The following SLC16A11 variants were observed in gnomAD, a reference collection of about 807,000 sequenced individuals.
SLC16A11 encodes monocarboxylate transporter 11.
SLC16A11 carries 24 observed loss-of-function variants against 26.0 expected under a neutral mutation model. That is an observed-to-expected ratio of 0.92 (90% CI 0.67 to 1.30). The LOEUF (loss-of-function observed/expected upper bound fraction) is 1.30, where lower values mean the gene tolerates loss of function less well. Ranked by LOEUF, SLC16A11 falls within the 50% of genes most tolerant of loss-of-function variation. The probability of loss-of-function intolerance (pLI) is 0.00; values close to 1 mark genes in which losing one functional copy is unlikely to be tolerated. For synonymous variants in SLC16A11, 332 were observed against 296.0 expected (o/e 1.12, Z -1.25); for missense variants, 638 against 597.7 (o/e 1.07, Z -0.70).
chr17:7,042,419 C>A lies in SLC16A11; in HGVS notation c.691G>T (p.Gly231Trp). The A allele has an allele frequency of 1.3e-6, 2 of 1,559,436 alleles. No homozygotes were observed. Among genetic ancestry groups the A allele is most frequent in the East Asian group, 2.4e-5 (1 of 41,736 alleles). ...ACGTAAGGAACGAAGTACCCGCCCCCAACCAGGGCTGTGCCTAGAGCAAAG... is the reference window on the plus strand; with the variant it reads ...ACGTAAGGAACGAAGTACCCGCCCCAAACCAGGGCTGTGCCTAGAGCAAAG... ...SIFALGTALVGGGYFVPYVHL... is the reference protein window; with the variant it reads ...SIFALGTALVWGGYFVPYVHL... Residue 231 changes from glycine (G) to tryptophan (W), a missense_variant, in exon 4 of 5, where the codon GGG becomes TGG. Physicochemically the swap from Gly to Trp is radical, Grantham distance 184. Coordinates refer to ENST00000574600, the MANE Select transcript of SLC16A11 (RefSeq NM_001370549.1). The surrounding 1 kb of genome is among the most constrained non-coding windows in gnomAD (Gnocchi z 5.9).
chr17:7,042,203 C>A lies in SLC16A11; in HGVS notation c.907G>T (p.Gly303Trp). The A allele has an allele frequency of 6.4e-7, 1 of 1,571,966 alleles. No individual in the cohort carries two copies. Among genetic ancestry groups the A allele is most frequent in the East Asian group, 2.4e-5 (1 of 41,872 alleles). Reference protein sequence around the residue: ...ALTGLGLWVVGLVPVVGGEES... With the variant: ...ALTGLGLWVVWLVPVVGGEES... ...TCGCCGCCCACCACGGGCACCAGCC[C>A]CACCACCCACAGCCCCAGCCCAGTC... is the stretch of plus-strand genomic sequence containing the variant. Residue 303 changes from glycine to tryptophan, a missense_variant, in exon 4 of 5, where the codon GGG (glycine) becomes TGG (tryptophan). By Grantham distance (184) the Gly-to-Trp change is radical. Coordinates refer to ENST00000574600, the MANE Select transcript of SLC16A11 (RefSeq NM_001370549.1). The surrounding 1 kb of genome is among the most constrained non-coding windows in gnomAD (Gnocchi z 5.9).
Position 7,042,834 on chromosome 17 carries a change from C to A in SLC16A11, c.347-71G>T. 6.4e-7 allele frequency: 1 copy of A among 1,574,650 alleles called. No individual in the cohort carries two copies. The highest frequency in any genetic ancestry group is 8.6e-7 in the Non-Finnish European group (1 of 1,160,828). On this transcript the variant is annotated intron_variant, in intron 3 of 4. Coordinates refer to ENST00000574600, the MANE Select transcript of SLC16A11 (RefSeq NM_001370549.1). This position sits in a 1 kb window ranked among gnomAD's most constrained non-coding sequence, Gnocchi z 5.9. ...GCCCCAGCATTCCCAGCCCGGCTCT[C>A]CGCACCAGGCCCCCGCCTCGTTCGC...
At position 7,043,676 on chromosome 17, in the gene SLC16A11, A is replaced by T. The variant is rs371016567; in HGVS notation, c.-7+99T>A. Reference sequence around the variant, plus strand: ...GGCGGAGGGAGCCGGAGCCTGGCCTAGGGCTGGAACTCCCGGGTCCGCGCG... The same window carrying T: ...GGCGGAGGGAGCCGGAGCCTGGCCTTGGGCTGGAACTCCCGGGTCCGCGCG... On this transcript the variant is annotated intron_variant, in intron 1 of 4. Coordinates refer to ENST00000574600, the MANE Select transcript of SLC16A11 (RefSeq NM_001370549.1). 13 of 1,431,384 alleles carry T rather than the reference A, an allele frequency of 9.1e-6. No individual in the cohort carries two copies. In the Admixed American group the frequency reaches 1.1e-4, roughly 12 times the overall value. The allele number at this position is 1,431,384 out of a possible 1,614,324, so 88.7% of individuals were successfully genotyped here. A position where few individuals can be genotyped will look rare whatever the true frequency, so the allele number is the denominator to read the frequency against.
rs949293012 is a variant in SLC16A11 at position 7,042,090 on chromosome 17, G to C, written c.1020C>G (p.Leu340=). The change falls in exon 4 of 5, where the codon CTC becomes CTG. Residue 340 remains leucine (L), a synonymous_variant. Coordinates refer to ENST00000574600, the MANE Select transcript of SLC16A11 (RefSeq NM_001370549.1). This position sits in a 1 kb window ranked among gnomAD's most constrained non-coding sequence, Gnocchi z 5.9. ...CACCTCCGACGCCCACCAGCCCGGG[G>C]AGTACACCGAAAACCAGCGGGGCGT... ...GSYAPLVFGV[L]PGLVGVGGVV... The C allele has an allele frequency of 1.2e-6, 2 of 1,607,500 alleles. No homozygotes were observed. Among genetic ancestry groups the C allele is most frequent in the Non-Finnish European group, 1.7e-6 (2 of 1,176,020 alleles).
At position 7,042,748 on chromosome 17, in the gene SLC16A11, A is replaced by G; in HGVS notation, c.362T>C (p.Leu121Pro). The G allele has an allele frequency of 6.5e-7, 1 of 1,539,306 alleles. No homozygotes were observed. Among genetic ancestry groups the G allele is most frequent in the Non-Finnish European group, 8.7e-7 (1 of 1,145,670 alleles). The change falls in exon 4 of 5, where the codon CTG becomes CCG. Residue 121 changes from leucine (L) to proline (P), a missense_variant. Coordinates refer to ENST00000574600, the MANE Select transcript of SLC16A11 (RefSeq NM_001370549.1). This position sits in a 1 kb window ranked among gnomAD's most constrained non-coding sequence, Gnocchi z 5.9. ...LGLLAGFGWALVFAPALGTLS... is the reference protein window; with the variant it reads ...LGLLAGFGWAPVFAPALGTLS... ...GGTGCCTAGGGCGGGGGCGAACACC[A>G]GGGCCCAACCAAAGCCTGCGAATGA...
chr17:7,042,118 C>G lies in SLC16A11; in HGVS notation c.992G>C (p.Ser331Thr), dbSNP rs1379142330. 6.2e-7 allele frequency: 1 copy of G among 1,600,204 alleles called. No individual in the cohort carries two copies. Among genetic ancestry groups the G allele is most frequent in the South Asian group, 1.1e-5 (1 of 89,868 alleles). The change falls in exon 4 of 5, where the codon AGT becomes ACT. Residue 331 changes from serine to threonine, a missense_variant. Ser to Thr is a moderately conservative substitution (Grantham distance 58). Transcript: ENST00000574600. The surrounding 1 kb of genome is among the most constrained non-coding windows in gnomAD (Gnocchi z 5.9). ...AAVAYGLSAG[S>T]YAPLVFGVLP... ...TACACCGAAAACCAGCGGGGCGTAA[C>G]TCCCCGCGCTCAGCCCATAGGCCAC...
At position 7,042,305 on chromosome 17, in the gene SLC16A11, C is replaced by T; in HGVS notation, c.805G>A (p.Ala269Thr). ...VAVAAMGDAG[A>T]RLVCGWLADQ... ...GCCAGCCACCCGCAGACCAGCCGGG[C>T]GCCCGCATCCCCCATCGCAGCCACG... The change falls in exon 4 of 5, where the codon GCC (alanine) becomes ACC (threonine). Residue 269 changes from alanine (A) to threonine (T), a missense_variant. Coordinates refer to ENST00000574600, the MANE Select transcript of SLC16A11 (RefSeq NM_001370549.1). This position sits in a 1 kb window ranked among gnomAD's most constrained non-coding sequence, Gnocchi z 5.9. 3 of 1,548,576 alleles carry T rather than the reference C, an allele frequency of 1.9e-6. No homozygotes were observed. Among genetic ancestry groups the T allele is most frequent in the Non-Finnish European group, 2.6e-6 (3 of 1,145,534 alleles).
rs976474913 is a variant in SLC16A11 at position 7,042,454 on chromosome 17, G to A, written c.656C>T (p.Ala219Val). 2 of 1,556,424 alleles carry A rather than the reference G, an allele frequency of 1.3e-6. No homozygotes were observed. Among genetic ancestry groups the A allele is most frequent in the African/African-American group, 1.4e-5 (1 of 73,560 alleles). The change falls in exon 4 of 5, where the codon GCC becomes GTC. Residue 219 changes from alanine (A) to valine (V), a missense_variant. Transcript: ENST00000574600. The surrounding 1 kb of genome is among the most constrained non-coding windows in gnomAD (Gnocchi z 5.9). ...TGTGCCTAGAGCAAAGATTGAGAAG[G>A]CCCGGCGTGTGAACAGACTCAGGCC... ...ALGLSLFTRR[A>V]FSIFALGTAL... is the part of the protein sequence containing the mutation.
chr17:7,042,973 G>A lies in SLC16A11; in HGVS notation c.303C>T (p.Ala101=). Residue 101 remains alanine (A), a synonymous_variant, in exon 3 of 5, where the codon GCC becomes GCT. Transcript: ENST00000574600. This position sits in a 1 kb window ranked among gnomAD's most constrained non-coding sequence, Gnocchi z 5.9. ...CGAGGTAGAGATGCAGCAGATCGCT[G>A]GCGAAAGCCGAGAAGACGAAGCCCA... is the stretch of plus-strand genomic sequence containing the variant. ...ASLGFVFSAF[A]SDLLHLYLGL... 1 of 1,612,394 alleles carries A rather than the reference G, an allele frequency of 6.2e-7. No homozygotes were observed. The highest frequency in any genetic ancestry group is 8.5e-7 in the Non-Finnish European group (1 of 1,179,594).
Position 7,042,909 on chromosome 17 carries a change from C to T in SLC16A11, c.346+21G>A, listed in dbSNP as rs373767764. ...GTCACCTCCTTCACCCTGAATGACC[C>T]GGGCATCCCACTTCCCTCACCAGCG... On this transcript the variant is annotated intron_variant, in intron 3 of 4. Coordinates refer to ENST00000574600, the MANE Select transcript of SLC16A11 (RefSeq NM_001370549.1). The surrounding 1 kb of genome is among the most constrained non-coding windows in gnomAD (Gnocchi z 5.9). The T allele has an allele frequency of 9.9e-6, 16 of 1,612,784 alleles. No homozygotes were observed. Among genetic ancestry groups the T allele is most frequent in the Non-Finnish European group, 1.1e-5 (13 of 1,179,792 alleles).
In SLC16A11 at chr17:7,042,163, C is replaced by A. The variant is rs374437213; in HGVS notation, c.947G>T (p.Gly316Val). 1.3e-6 allele frequency: 2 copies of A among 1,570,448 alleles called. No individual in the cohort carries two copies. Among genetic ancestry groups the A allele is most frequent in the African/African-American group, 1.4e-5 (1 of 73,646 alleles). ...PVVGGEESWG[G>V]PLLAAAVAYG... ...GGCCACAGCCGCGGCCAGCAGGGGA[C>A]CCCCCCAGCTCTCTTCGCCGCCCAC... Residue 316 changes from glycine to valine, a missense_variant, in exon 4 of 5, where the codon GGT becomes GTT. Physicochemically the swap from Gly to Val is moderately radical, Grantham distance 109. Transcript: ENST00000574600. This position sits in a 1 kb window ranked among gnomAD's most constrained non-coding sequence, Gnocchi z 5.9.
rs1337021358 is a variant in SLC16A11, at chr17:7,042,158, G to T, written c.952C>A (p.Leu318Met). The T allele has an allele frequency of 6.3e-7, 1 of 1,578,424 alleles. No homozygotes were observed. Among genetic ancestry groups the T allele is most frequent in the Non-Finnish European group, 8.6e-7 (1 of 1,163,230 alleles). ...CCATAGGCCACAGCCGCGGCCAGCA[G>T]GGGACCCCCCCAGCTCTCTTCGCCG... is the stretch of plus-strand genomic sequence containing the variant. ...VGGEESWGGP[L>M]LAAAVAYGLS... is the part of the protein sequence containing the mutation. Residue 318 changes from leucine to methionine, a missense_variant, in exon 4 of 5, where the codon CTG becomes ATG. Physicochemically the swap from Leu to Met is conservative, Grantham distance 15 (BLOSUM62 2). Transcript: ENST00000574600. This position sits in a 1 kb window ranked among gnomAD's most constrained non-coding sequence, Gnocchi z 5.9.
rs182852158 is a variant in SLC16A11, at chr17:7,042,315, C to T, written c.795G>A (p.Gly265=). Residue 265 remains glycine (G), a synonymous_variant, in exon 4 of 5, where the codon GGG becomes GGA. Transcript: ENST00000574600. The surrounding 1 kb of genome is among the most constrained non-coding windows in gnomAD (Gnocchi z 5.9). The part of the protein sequence containing the change: ...AALVVAVAAM[G]DAGARLVCGW... ...CGCAGACCAGCCGGGCGCCCGCATC[C>T]CCCATCGCAGCCACGGCCACCACCA... 1.0e-3 allele frequency: 1,610 copies of T among 1,547,632 alleles called. 13 individuals are homozygous for T. The African/African-American group carries it at 0.019, about 18-fold the overall frequency.
rs1162705944 is a variant in SLC16A11 at position 7,042,244 on chromosome 17, G to A, written c.866C>T (p.Ala289Val). ...CAGCCCAGTCAGAGCCCCGAATACG[G>A]CCAGCAGCCGCGGGAGGGGCACCCA... ...QGWVPLPRLL[A>V]VFGALTGLGL... is the part of the protein sequence containing the mutation. Residue 289 changes from alanine to valine, a missense_variant, in exon 4 of 5, where the codon GCC (alanine) becomes GTC (valine). Transcript: ENST00000574600. The surrounding 1 kb of genome is among the most constrained non-coding windows in gnomAD (Gnocchi z 5.9). 5.1e-6 allele frequency: 8 copies of A among 1,579,926 alleles called. No individual in the cohort carries two copies. The highest frequency in any genetic ancestry group is 6.9e-6 in the Non-Finnish European group (8 of 1,164,100).
Position 7,042,746 on chromosome 17 carries a change from C to G in SLC16A11, c.364G>C (p.Val122Leu). The change falls in exon 4 of 5, where the codon GTG becomes CTG. Residue 122 changes from valine to leucine, a missense_variant. Physicochemically the swap from Val to Leu is conservative, Grantham distance 32. Coordinates refer to ENST00000574600, the MANE Select transcript of SLC16A11 (RefSeq NM_001370549.1). The surrounding 1 kb of genome is among the most constrained non-coding windows in gnomAD (Gnocchi z 5.9). ...AGGGTGCCTAGGGCGGGGGCGAACA[C>G]CAGGGCCCAACCAAAGCCTGCGAAT... ...GLLAGFGWALVFAPALGTLSR... is the reference protein window; with the variant it reads ...GLLAGFGWALLFAPALGTLSR... 6.5e-7 allele frequency: 1 copy of G among 1,539,142 alleles called. No homozygotes were observed. The highest frequency in any genetic ancestry group is 8.7e-7 in the Non-Finnish European group (1 of 1,145,678).
At position 7,042,799 on chromosome 17, in the gene SLC16A11, G is replaced by A; in HGVS notation, c.347-36C>T. 1 of 1,547,184 alleles carries A rather than the reference G, an allele frequency of 6.5e-7. No individual in the cohort carries two copies. ...ATAGGAGGGGATGGGGGCCGGCACT[G>A]GGGACGCCCGCCCCAGCATTCCCAG... On this transcript the variant is annotated intron_variant, in intron 3 of 4. Coordinates refer to ENST00000574600, the MANE Select transcript of SLC16A11 (RefSeq NM_001370549.1). This position sits in a 1 kb window ranked among gnomAD's most constrained non-coding sequence, Gnocchi z 5.9.
At position 7,041,706 on chromosome 17, in the gene SLC16A11, A is replaced by G. The variant is rs1910741357; in HGVS notation, c.1317T>C (p.Pro439=). 3.1e-6 allele frequency: 5 copies of G among 1,610,506 alleles called. No individual in the cohort carries two copies. The Admixed American group carries it at 8.4e-5, about 27-fold the overall frequency. The part of the protein sequence containing the change: ...PQAVLLSPGG[P]GSTLDTTC ...AACAAGTGGTGTCCAGAGTGGAGCCAGGGCCTCCTGGGGACAGCAAGACTG... is the reference window on the plus strand; with the variant it reads ...AACAAGTGGTGTCCAGAGTGGAGCCGGGGCCTCCTGGGGACAGCAAGACTG... Residue 439 remains proline, a synonymous_variant, in exon 5 of 5, where the codon CCT becomes CCC. Transcript: ENST00000574600.
chr17:7,042,824 G>C lies in SLC16A11; in HGVS notation c.347-61C>G. 1 of 1,565,158 alleles carries C rather than the reference G, an allele frequency of 6.4e-7. No individual in the cohort carries two copies. The highest frequency in any genetic ancestry group is 1.9e-5 in the Admixed American group (1 of 53,210). On this transcript the variant is annotated intron_variant, in intron 3 of 4. Transcript: ENST00000574600. This position sits in a 1 kb window ranked among gnomAD's most constrained non-coding sequence, Gnocchi z 5.9. ...GGGGACGCCCGCCCCAGCATTCCCA[G>C]CCCGGCTCTCCGCACCAGGCCCCCG...
At position 7,042,896 on chromosome 17, in the gene SLC16A11, A is replaced by C; in HGVS notation, c.346+34T>G. ...CCAACAAGCTCCTGTCACCTCCTTC[A>C]CCCTGAATGACCCGGGCATCCCACT... On this transcript the variant is annotated intron_variant, in intron 3 of 4. Transcript: ENST00000574600. This position sits in a 1 kb window ranked among gnomAD's most constrained non-coding sequence, Gnocchi z 5.9. 6.2e-7 allele frequency: 1 copy of C among 1,611,688 alleles called. No individual in the cohort carries two copies. Among genetic ancestry groups the C allele is most frequent in the Non-Finnish European group, 8.5e-7 (1 of 1,179,512 alleles).
Sources: allele counts gnomAD v4.1 joint callset, GRCh38; gene constraint gnomAD v4.1.1; non-coding constraint Gnocchi (gnomAD v3.1); transcripts MANE v1.5; gene names NCBI Gene and HGNC (gene_info 2026-07-23, HGNC 2026-07-21).